The following JAKMIP3 variants were observed in gnomAD, a reference collection of about 807,000 sequenced individuals.
JAKMIP3 encodes Janus kinase and microtubule interacting protein 3.
JAKMIP3 carries 58 observed loss-of-function variants against 118.5 expected under a neutral mutation model. The observed-to-expected ratio is 0.49, with a 90% CI of 0.40 to 0.61. The LOEUF (loss-of-function observed/expected upper bound fraction) is 0.61, where lower values mean the gene tolerates loss of function less well. Among genes scored for constraint, JAKMIP3 ranks in the 20% least tolerant of loss-of-function variants. The pLI is 0.00. For synonymous variants in JAKMIP3, 486 were observed against 451.2 expected (o/e 1.08, Z -0.98); for missense variants, 950 against 1,109.0 (o/e 0.86, Z 2.04).
rs551097253 is a variant in JAKMIP3 at position 132,175,727 on chromosome 10, C to CT, written c.*1104-6629dup. ...TCCATGCTGCTGCTGGAGATGATGT[C>CT]TGTTTGGTCATCTTAAAATCCAGGG... On this transcript the variant is annotated intron_variant, in intron 23 of 23. Transcript: ENST00000684848. 2.1e-4 allele frequency among the ~76,000 whole-genome samples: 32 copies of CT among 152,300 alleles called. 1 individual carries two copies. The South Asian group carries it at 4.1e-3, about 20-fold the overall frequency.
chr10:132,056,372 T>C (rs1017089583), intron 1 of JAKMIP3, among the ~76,000 whole-genome samples: 3 of 152,170 alleles, frequency 2.0e-5, no homozygotes, highest in African/African-American at 7.2e-5. Flanking sequence ...CCTCTGCCTT[T>C]ATTTTGCATG....
At position 132,179,540 on chromosome 10, in the gene JAKMIP3, G is replaced by A. The variant is rs1333742640; in HGVS notation, c.*1104-2817G>A. ...ATTTGCCACGTGAATGGCCAAGTAC[G>A]TAAAAGAATGCGCTCCCTGAAGGCA... On this transcript the variant is annotated intron_variant, in intron 23 of 23. Transcript: ENST00000684848. The surrounding 1 kb of genome is among the most constrained non-coding windows in gnomAD (Gnocchi z 4.3). Among the ~76,000 whole-genome samples the A allele has an allele frequency of 1.3e-5, 2 of 152,158 alleles. No homozygotes were observed. Among genetic ancestry groups the A allele is most frequent in the African/African-American group, 2.4e-5 (1 of 41,424 alleles).
chr10:132,048,341 G>C (rs2037989163), intron 1 of JAKMIP3, among the ~76,000 whole-genome samples: 1 of 152,208 alleles, frequency 6.6e-6, no homozygotes. Flanking sequence ...TTGGCACCGG[G>C]TGCTCTCGGG....
rs2059125959 is a variant in JAKMIP3 at position 132,167,995 on chromosome 10, A to G, written c.*65A>G. On this transcript the variant is annotated 3_prime_UTR_variant, in exon 23 of 24. Coordinates refer to ENST00000684848, the MANE Select transcript of JAKMIP3 (RefSeq NM_001323087.2). ...CCCTTTTCCTCCAGTGGGACCAGAA[A>G]GCAGGGACAAAATGGGACGTCGCGT... 2 of 1,289,504 alleles carry G rather than the reference A, an allele frequency of 1.6e-6. No individual in the cohort carries two copies. Among genetic ancestry groups the G allele is most frequent in the Non-Finnish European group, 2.0e-6 (2 of 988,862 alleles). 79.9% of individuals were successfully genotyped at this position (1,289,504 alleles called of 1,614,324 possible).
At position 132,183,562 on chromosome 10, in the gene JAKMIP3, TTATG is replaced by T. The variant is rs2061643198; in HGVS notation, c.*2310_*2313del. ...AAGCATGTAAATATGTACCAAATCC[TTATG>T]AAGTTGTAATTGTTTATATGTAAAA... On this transcript the variant is annotated 3_prime_UTR_variant, in exon 24 of 24. Transcript: ENST00000684848. The T allele has an allele frequency of 1.3e-5, 2 of 152,220 alleles. No individual in the cohort carries two copies. The highest frequency in any genetic ancestry group is 2.9e-5 in the Non-Finnish European group (2 of 68,046). 9.4% of individuals were successfully genotyped at this position (152,220 alleles called of 1,614,324 possible).
chr10:132,097,845 T>C (rs1383611793), intron 1 of JAKMIP3, among the ~76,000 whole-genome samples: 1 of 135,416 alleles, frequency 7.4e-6, no homozygotes, highest in Non-Finnish European at 1.6e-5. Flanking sequence ...AAGCTTCCTA[T>C]CACAGAGATT....
At position 132,140,517 on chromosome 10, in the gene JAKMIP3, G is replaced by A. The variant is rs749027078; in HGVS notation, c.1411G>A (p.Val471Ile). 2.2e-5 allele frequency: 35 copies of A among 1,613,570 alleles called. No homozygotes were observed. The highest frequency in any genetic ancestry group is 2.7e-5 in the African/African-American group (2 of 74,936). The change falls in exon 10 of 24, where the codon GTC (valine) becomes ATC (isoleucine). Residue 471 changes from valine (V) to isoleucine (I), a missense_variant. Val to Ile is a conservative substitution (Grantham distance 29). Transcript: ENST00000684848. Reference protein sequence around the residue: ...EASLESDGSSVSYQTDRTDQT... With the variant: ...EASLESDGSSISYQTDRTDQT... Reference sequence around the variant, plus strand: ...TTCCCTGGAATCCGACGGCTCCTCCGTCTCTTACCAAACAGACAGGACGGA... The same window carrying A: ...TTCCCTGGAATCCGACGGCTCCTCCATCTCTTACCAAACAGACAGGACGGA...
rs867321473 is a variant in JAKMIP3, at chr10:132,094,069, C to T, written c.-137-10603C>T. Among the ~76,000 whole-genome samples the T allele has an allele frequency of 2.0e-5, 3 of 151,752 alleles. No homozygotes were observed. In the South Asian group the frequency reaches 6.2e-4, roughly 32 times the overall value. On this transcript the variant is annotated intron_variant, in intron 1 of 23. Transcript: ENST00000684848. ...TCTCTTGCCTCAGCCTCCCAAGTTG[C>T]TGGGACTACAGGCTCACACCACCAT...
At chr10:132,144,703 T>A (rs1027079281) in intron 11 of JAKMIP3, 1 of 167,502 alleles carries the variant, frequency 6.0e-6, no homozygotes, top group Admixed American at 6.3e-5. Flanking sequence ...CTGAGGCAAG[T>A]GGGTTGCTCG....
At chr10:132,137,678 A>G (rs1281547076) in intron 8 of JAKMIP3, among the ~76,000 whole-genome samples, 1 of 152,178 alleles carries the variant, frequency 6.6e-6, no homozygotes, top group African/African-American at 2.4e-5. Context: ...AAACCACAGC[A>G]TGGGTTCCCC....
At chr10:132,106,901 AAAAAC>A (rs1487488398) in intron 2 of JAKMIP3, among the ~76,000 whole-genome samples, 4 of 152,122 alleles carry the variant, frequency 2.6e-5, no homozygotes, top group African/African-American at 9.7e-5. Context: ...CTTTTTTTAA[AAAAAC>A]AAAGTCTTAC....
rs1564946595 is a variant in JAKMIP3, at chr10:132,139,047, T to TAA, written c.1344+869_1344+870insAA. Among the ~76,000 whole-genome samples, 66 of 82,010 alleles carry TAA rather than the reference T, an allele frequency of 8.0e-4. No individual in the cohort carries two copies. In the East Asian group the frequency reaches 0.04, roughly 50 times the overall value. The allele number at this position is 82,010 out of a possible 152,430, so 53.8% of individuals were successfully genotyped here. On this transcript the variant is annotated intron_variant, in intron 9 of 23. Coordinates refer to ENST00000684848, the MANE Select transcript of JAKMIP3 (RefSeq NM_001323087.2). ...ACCTAACTCATCTCCTGCTTTATGT[T>TAA]GAGTGTGTGTGTGTGTGTGTGTATG...
chr10:132,058,939 C>T (rs940856903), intron 1 of JAKMIP3, among the ~76,000 whole-genome samples: 22 of 152,224 alleles, frequency 1.4e-4, no homozygotes, highest in South Asian at 6.2e-4. Context: ...TCCTTCGCAT[C>T]GCGTCGCGCC....
rs563777367 is a variant in JAKMIP3, at chr10:132,116,840, G to C, written c.136-237G>C. Among the ~76,000 whole-genome samples the C allele has an allele frequency of 4.0e-5, 6 of 149,304 alleles. No homozygotes were observed. The East Asian group carries it at 1.0e-3, about 25-fold the overall frequency. On this transcript the variant is annotated intron_variant, in intron 2 of 23. Transcript: ENST00000684848. The stretch of plus-strand genomic sequence containing the variant: ...TCCCCCCGAATACACATTCAGGTGT[G>C]AGTGTGTGCATCATGGACGCTCCCC...
rs1391340408 is a variant in JAKMIP3, at chr10:132,180,702, T to C, written c.*1104-1655T>C. Among the ~76,000 whole-genome samples, 289 of 31,916 alleles carry C rather than the reference T, an allele frequency of 9.1e-3. 51 individuals carry two copies. Among genetic ancestry groups the C allele is most frequent in the African/African-American group, 0.024 (146 of 6,102 alleles). The allele number at this position is 31,916 out of a possible 152,430, so 20.9% of individuals were successfully genotyped here. On this transcript the variant is annotated intron_variant, in intron 23 of 23. Coordinates refer to ENST00000684848, the MANE Select transcript of JAKMIP3 (RefSeq NM_001323087.2). ...GCGCGCGTGTGTGTGCGTGCGTGTGTGTGTGCGCGTGTGTGTGCGTGTGTG... is the reference window on the plus strand; with the variant it reads ...GCGCGCGTGTGTGTGCGTGCGTGTGCGTGTGCGCGTGTGTGTGCGTGTGTG...
At chr10:132,037,723 C>T (rs902677105) in intron 1 of JAKMIP3, among the ~76,000 whole-genome samples, 47 of 152,222 alleles carry the variant, frequency 3.1e-4, no homozygotes, top group Admixed American at 1.5e-3. Context: ...GGCGGAGTGT[C>T]TCCAGGAGGC....
chr10:132,086,315 T>TA (rs1399778693), intron 1 of JAKMIP3, among the ~76,000 whole-genome samples: 6 of 152,194 alleles, frequency 3.9e-5, no homozygotes, highest in African/African-American at 1.4e-4. Context: ...CATATGCTGT[T>TA]AAATAGAATA....
intron 1 of JAKMIP3, among the ~76,000 whole-genome samples, chr10:132,059,250 T>C (rs7909341): frequency 0.55 from 84,415 of 152,144 alleles, 23,808 homozygotes; most frequent in East Asian, 0.72. Context: ...GCTGGTGCCA[T>C]GTCCGCCATG....
At chr10:132,076,266 C>T (rs2134090808) in intron 1 of JAKMIP3, among the ~76,000 whole-genome samples, 1 of 152,272 alleles carries the variant, frequency 6.6e-6, no homozygotes, top group East Asian at 1.9e-4. Flanking sequence ...CACTCTGTGG[C>T]CTTTTGTGTC....
Sources: allele counts gnomAD v4.1 joint callset (sites outside exome capture counted in the v4.1 genomes callset), GRCh38; gene constraint gnomAD v4.1.1; non-coding constraint Gnocchi (gnomAD v3.1); transcripts MANE v1.5; gene names NCBI Gene and HGNC (gene_info 2026-07-23, HGNC 2026-07-21).